The following CNKSR2 variants were observed in gnomAD, a reference collection of about 807,000 sequenced individuals.
The protein encoded by CNKSR2 is connector enhancer of kinase suppressor of Ras 2.
CNKSR2 carries 14 observed loss-of-function variants against 84.4 expected under a neutral mutation model. The observed-to-expected ratio is 0.17, with a 90% CI of 0.11 to 0.26. CNKSR2 has a LOEUF of 0.26. Among genes scored for constraint, CNKSR2 ranks in the 10% least tolerant of loss-of-function variants. The pLI, the probability that CNKSR2 is intolerant of heterozygous loss-of-function variation, is 1.00. For synonymous variants in CNKSR2, 275 were observed against 277.9 expected (o/e 0.99, Z 0.10); for missense variants, 485 against 771.2 (o/e 0.63, Z 4.40).
At chrX:21,430,047 T>G (rs2090615628) in intron 2 of CNKSR2, among the ~76,000 whole-genome samples, 1 of 112,036 alleles carries the variant, frequency 8.9e-6, no homozygotes, top group African/African-American at 3.2e-5. Context: ...AAAACATGTT[T>G]TTAGATTATC....
At chrX:21,529,733 A>G (rs1282049524) in intron 10 of CNKSR2, among the ~76,000 whole-genome samples, 2 of 110,530 alleles carry the variant, frequency 1.8e-5, no homozygotes, top group East Asian at 5.7e-4. Context: ...ACATGTATCT[A>G]CTCATTCTAC....
At position 21,387,992 on chromosome X, in the gene CNKSR2, C is replaced by T. The variant is rs779742105; in HGVS notation, c.64+13031C>T. Among the ~76,000 whole-genome samples the T allele has an allele frequency of 3.4e-3, 372 of 108,765 alleles. 2 individuals are homozygous for T. The highest frequency in any genetic ancestry group is 0.011 in the African/African-American group (327 of 29,760). The allele number at this position is 108,765 out of a possible 115,157, so 94.4% of individuals were successfully genotyped here. A position where few individuals can be genotyped will look rare whatever the true frequency, so the allele number is the denominator to read the frequency against. ...TCGGCTCACTGCAAGCTCCGCCTCC[C>T]GGGTTCACGCCATTCTTCTGCCTCA... is the stretch of plus-strand genomic sequence containing the variant. On this transcript the variant is annotated intron_variant, in intron 1 of 21. Transcript: ENST00000379510.
intron 1 of CNKSR2, among the ~76,000 whole-genome samples, chrX:21,416,683 T>G (rs1027424659): frequency 3.6e-5 from 4 of 111,475 alleles, no homozygotes; most frequent in African/African-American, 6.5e-5. Context: ...GTCTAGAAAT[T>G]TGCTCATTTC....
chrX:21,460,624 A>G (rs1312742810), intron 4 of CNKSR2, among the ~76,000 whole-genome samples: 1 of 111,612 alleles, frequency 9.0e-6, no homozygotes, highest in Non-Finnish European at 1.9e-5. Context: ...GTGCTATCAA[A>G]TACTAGATCT....
At chrX:21,607,325 CTGGTTTAATGTAT>C (rs1237237899) in intron 19 of CNKSR2, among the ~76,000 whole-genome samples, 1 of 111,153 alleles carries the variant, frequency 9.0e-6, no homozygotes, top group Non-Finnish European at 1.9e-5. Flanking sequence ...GCCATGGGAC[CTGGTTTAATGTAT>C]ATGTTTGTAT....
intron 20 of CNKSR2, among the ~76,000 whole-genome samples, chrX:21,624,016 G>A (rs1055269857): frequency 1.4e-4 from 16 of 111,196 alleles, no homozygotes; most frequent in Non-Finnish European, 3.0e-4. Context: ...TTCCACTGGT[G>A]GCATAAAATC....
chrX:21,529,633 T>G (rs2091867481), intron 10 of CNKSR2, among the ~76,000 whole-genome samples: 1 of 110,520 alleles, frequency 9.0e-6, no homozygotes, highest in South Asian at 3.8e-4. Context: ...CAGAATGAAT[T>G]AACACACTGA....
chrX:21,468,324 T>C lies in CNKSR2; in HGVS notation c.520-2442T>C, dbSNP rs189071761. Among the ~76,000 whole-genome samples the C allele has an allele frequency of 9.0e-5, 10 of 111,615 alleles. No individual in the cohort carries two copies. The East Asian group carries it at 2.5e-3, about 28-fold the overall frequency. ...TATATTTAGATATAGGTAGCACATT[T>C]AAAATGTAATATTAATATAGCATCA... On this transcript the variant is annotated intron_variant, in intron 4 of 21. Transcript: ENST00000379510.
intron 13 of CNKSR2, among the ~76,000 whole-genome samples, chrX:21,568,838 C>T (rs1347683217): frequency 9.0e-6 from 1 of 111,255 alleles, no homozygotes; most frequent in African/African-American, 3.3e-5. Context: ...AGGATTTGAA[C>T]ATTTGCACTC....
At chrX:21,380,246 G>A (rs1363644666) in intron 1 of CNKSR2, among the ~76,000 whole-genome samples, 1 of 111,574 alleles carries the variant, frequency 9.0e-6, no homozygotes, top group Non-Finnish European at 1.9e-5. Flanking sequence ...TGTTTTTCAG[G>A]AATGATTTGA....
At chrX:21,476,992 C>T (rs1309518586) in intron 5 of CNKSR2, among the ~76,000 whole-genome samples, 1 of 111,736 alleles carries the variant, frequency 8.9e-6, no homozygotes, top group Non-Finnish European at 1.9e-5. Context: ...ACTCCTCACT[C>T]CTGCCTTTCA....
intron 1 of CNKSR2, among the ~76,000 whole-genome samples, chrX:21,397,076 C>A (rs955983691): frequency 9.0e-6 from 1 of 111,139 alleles, no homozygotes; most frequent in Non-Finnish European, 1.9e-5. Context: ...AGTTAAAATG[C>A]TATTAACTGC....
intron 1 of CNKSR2, among the ~76,000 whole-genome samples, chrX:21,418,581 T>C (rs2090453744): frequency 9.0e-6 from 1 of 111,421 alleles, no homozygotes; most frequent in African/African-American, 3.3e-5. Flanking sequence ...GGGTAAAAGT[T>C]TTTTCCTTCA....
At chrX:21,387,903 C>CT (rs1280604224) in intron 1 of CNKSR2, among the ~76,000 whole-genome samples, 11 of 107,248 alleles carry the variant, frequency 1.0e-4, no homozygotes, top group South Asian at 8.1e-4. Context: ...ATTTTTCCTA[C>CT]TTTTTTTTTT....
rs79288234 is a variant in CNKSR2, at chrX:21,563,663, T to A, written c.1608+211T>A. 5.5e-3 allele frequency among the ~76,000 whole-genome samples: 611 copies of A among 111,826 alleles called. 15 individuals carry two copies. The South Asian group carries it at 0.15, about 28-fold the overall frequency. On this transcript the variant is annotated intron_variant, in intron 13 of 21. Coordinates refer to ENST00000379510, the MANE Select transcript of CNKSR2 (RefSeq NM_014927.5). ...GAGTTCATAGTTGTAGCAAGTTGGA[T>A]TTTAATGGGATAACTTAATATGCAC...
intron 12 of CNKSR2, among the ~76,000 whole-genome samples, chrX:21,561,896 A>C (rs2092193489): frequency 9.0e-6 from 1 of 110,634 alleles, no homozygotes; most frequent in African/African-American, 3.3e-5. Flanking sequence ...GTTTATCATC[A>C]GTCCTCATCG....
At chrX:21,482,481 A>G (rs1312783827) in intron 5 of CNKSR2, among the ~76,000 whole-genome samples, 3 of 112,378 alleles carry the variant, frequency 2.7e-5, no homozygotes, top group Non-Finnish European at 5.6e-5. Context: ...TAAGGATTTA[A>G]GTAATTAGAA....
intron 20 of CNKSR2, among the ~76,000 whole-genome samples, chrX:21,631,765 A>C (rs1166348000): frequency 8.9e-6 from 1 of 112,341 alleles, no homozygotes; most frequent in African/African-American, 3.2e-5. Flanking sequence ...AAAACTCATA[A>C]TTCTCACATT....
At chrX:21,398,917 T>C (rs1333288397) in intron 1 of CNKSR2, among the ~76,000 whole-genome samples, 2 of 110,744 alleles carry the variant, frequency 1.8e-5, no homozygotes, top group East Asian at 5.7e-4. Flanking sequence ...CCTTGTATAG[T>C]AAAGAACTTA....
Sources: allele counts gnomAD v4.1 joint callset (sites outside exome capture counted in the v4.1 genomes callset), GRCh38; gene constraint gnomAD v4.1.1; transcripts MANE v1.5; gene names NCBI Gene and HGNC (gene_info 2026-07-23, HGNC 2026-07-21).